INPP5K: variants seen among roughly 807,000 people sequenced by gnomAD.
INPP5K encodes inositol polyphosphate-5-phosphatase K.
Under a neutral mutation model 53.5 loss-of-function variants are expected in INPP5K, and 35 were observed. The observed-to-expected ratio is 0.65, with a 90% CI of 0.50 to 0.87. The LOEUF is 0.87. Among genes scored for constraint, INPP5K ranks in the 40% least tolerant of loss-of-function variants. INPP5K has a pLI of 0.00. For missense variants in INPP5K, 550 were observed against 586.2 expected, an observed-to-expected ratio of 0.94 and a Z score of 0.64; for synonymous variants, 253 against 232.8, an observed-to-expected ratio of 1.09 and a Z score of -0.79.
rs776504813 is a variant in INPP5K, at chr17:1,506,944, C to T, written c.776+36G>A. On this transcript the variant is annotated intron_variant, in intron 7 of 11. Transcript: ENST00000421807. ...TGCCAGCAGGGTCAGTGTAACCTGA[C>T]TTCCTAGACCTTCTGGCCCCCCACT... is the stretch of plus-strand genomic sequence containing the variant. 39 of 1,460,190 alleles carry T rather than the reference C, an allele frequency of 2.7e-5. No individual in the cohort carries two copies. In the South Asian group the frequency reaches 4.5e-4, roughly 17 times the overall value. The allele number at this position is 1,460,190 out of a possible 1,614,324, so 90.5% of individuals were successfully genotyped here. A position where few individuals can be genotyped will look rare whatever the true frequency, so the allele number is the denominator to read the frequency against.
intron 7 of INPP5K, among the ~76,000 whole-genome samples, chr17:1,500,820 G>A (rs575230011): frequency 6.6e-6 from 1 of 152,216 alleles, no homozygotes; most frequent in Non-Finnish European, 1.5e-5. Flanking sequence ...TGGCACACAG[G>A]TACTCAATAA....
At chr17:1,513,636 T>G (rs1315973630) in intron 2 of INPP5K, 75 bp from the exon 3 acceptor site, 1 of 1,303,684 alleles carries the variant, frequency 7.7e-7, no homozygotes, top group African/African-American at 1.5e-5. Context: ...TGATACCATC[T>G]TCACGGACTT....
At chr17:1,498,251 G>A (rs570291660) in intron 7 of INPP5K, 129 bp from the exon 8 acceptor site, 20 of 768,830 alleles carry the variant, frequency 2.6e-5, no homozygotes, top group East Asian at 1.0e-4. Flanking sequence ...ACAGACCCCC[G>A]GGGCCAGAGC....
At chr17:1,507,121 G>C (rs769355897) in intron 6 of INPP5K, 32 bp from the exon 7 acceptor site, 1 of 1,568,800 alleles carries the variant, frequency 6.4e-7, no homozygotes, top group African/African-American at 1.4e-5. Context: ...CCGTCTCCCA[G>C]TAGTCTCGAC....
chr17:1,498,029 C>G lies in INPP5K; in HGVS notation c.870G>C (p.Ala290=). 1 of 1,614,120 alleles carries G rather than the reference C, an allele frequency of 6.2e-7. No individual in the cohort carries two copies. Among genetic ancestry groups the G allele is most frequent in the Non-Finnish European group, 8.5e-7 (1 of 1,180,022 alleles). ...CCCTCAGAGACAAGGAGAAGTGTGA[C>G]GCCGGCGGTATGGGAGTGTCGGGGC... ...CAGPDTPIPP[A]SHFSLSLRGY... The change falls in exon 8 of 12, where the codon GCG becomes GCC. Residue 290 remains alanine (A), a synonymous_variant. Coordinates refer to ENST00000421807, the MANE Select transcript of INPP5K (RefSeq NM_016532.4).
rs751417164 is a variant in INPP5K at position 1,496,820 on chromosome 17, G to C, written c.964-17C>G. The C allele has an allele frequency of 6.2e-7, 1 of 1,612,580 alleles. No individual in the cohort carries two copies. Among genetic ancestry groups the C allele is most frequent in the Non-Finnish European group, 8.5e-7 (1 of 1,179,320 alleles). ...TGGCTTCAGCTAGACACGGGGGTGG[G>C]AAGGGGGCTGAATCTCGCAGCATCA... On this transcript the variant is annotated splice_polypyrimidine_tract_variant and intron_variant, in intron 8 of 11. Transcript: ENST00000421807.
At chr17:1,516,255 C>G in intron 1 of INPP5K, 2 of 852,866 alleles carry the variant, frequency 2.3e-6, no homozygotes, top group Non-Finnish European at 3.4e-6. Context: ...CCAGTGGGAA[C>G]GAGCTTGGCG....
chr17:1,503,863 C>G (rs918341319), intron 7 of INPP5K, among the ~76,000 whole-genome samples: 1 of 152,172 alleles, frequency 6.6e-6, no homozygotes, highest in African/African-American at 2.4e-5. Flanking sequence ...CTCATTACAT[C>G]TTGGCTCAGG....
At chr17:1,499,667 T>C (rs1303404938) in intron 7 of INPP5K, among the ~76,000 whole-genome samples, 1 of 152,204 alleles carries the variant, frequency 6.6e-6, no homozygotes, top group Non-Finnish European at 1.5e-5. Flanking sequence ...AAGCAACTAC[T>C]GTGGCAGTTT....
rs2074912966 is a variant in INPP5K, at chr17:1,498,178, A to G, written c.777-56T>C. On this transcript the variant is annotated intron_variant, in intron 7 of 11. Transcript: ENST00000421807. ...ATGGGGAAAGAAGAAAGGGTTGGCT[A>G]AGAGCAGAAATGAGCCCACATGAGC... 58 of 1,469,692 alleles carry G rather than the reference A, an allele frequency of 3.9e-5. 1 individual carries two copies. In the South Asian group the frequency reaches 6.6e-4, roughly 17 times the overall value. 91.0% of individuals were successfully genotyped at this position (1,469,692 alleles called of 1,614,324 possible). A position where few individuals can be genotyped will look rare whatever the true frequency, so the allele number is the denominator to read the frequency against.
chr17:1,516,040 C>T, intron 1 of INPP5K: 2 of 1,040,462 alleles, frequency 1.9e-6, no homozygotes, highest in African/African-American at 3.4e-5. Flanking sequence ...TAAGTCACTT[C>T]CCTAAAGGAT....
At chr17:1,497,688 C>T (rs1002152313) in intron 8 of INPP5K, 1 of 446,522 alleles carries the variant, frequency 2.2e-6, no homozygotes, top group African/African-American at 1.9e-5. Context: ...AACTCATTAG[C>T]CCCAAGGGAG....
intron 7 of INPP5K, among the ~76,000 whole-genome samples, chr17:1,501,679 C>T (rs915340399): frequency 2.0e-5 from 3 of 152,306 alleles, no homozygotes; most frequent in Admixed American, 6.5e-5. Flanking sequence ...ACAGACACTG[C>T]GTCCCTGAAT....
chr17:1,502,463 T>C (rs1370144259), intron 7 of INPP5K, among the ~76,000 whole-genome samples: 2 of 152,212 alleles, frequency 1.3e-5, no homozygotes, highest in East Asian at 3.9e-4. Flanking sequence ...TATGCTGTCA[T>C]GTAAGGGTCT....
chr17:1,507,331 A>G (rs1719163557), intron 6 of INPP5K: 1 of 527,926 alleles, frequency 1.9e-6, no homozygotes, highest in African/African-American at 1.9e-5. Context: ...CCCAGTCCTT[A>G]GACTGCAGGG....
chr17:1,516,342 C>T, intron 1 of INPP5K, 114 bp downstream of exon 1: 1 of 1,213,736 alleles, frequency 8.2e-7, no homozygotes, highest in South Asian at 1.3e-5. Context: ...GGCGAGAGCG[C>T]CTCTGAACCA....
At chr17:1,511,080 G>A (rs116875312) in intron 3 of INPP5K, among the ~76,000 whole-genome samples, 2 of 152,176 alleles carry the variant, frequency 1.3e-5, no homozygotes, top group Non-Finnish European at 2.9e-5. Context: ...ACTATATACT[G>A]CGTGCAGCTG....
At position 1,516,582 on chromosome 17, in the gene INPP5K, G is replaced by C; in HGVS notation, c.-83C>G. On this transcript the variant is annotated 5_prime_UTR_variant, in exon 1 of 12. Coordinates refer to ENST00000421807, the MANE Select transcript of INPP5K (RefSeq NM_016532.4). The stretch of plus-strand genomic sequence containing the variant: ...CCCGGCCAGAGCAGCCCTGCGGGCG[G>C]CCGGTCTCACGCGCCTAGCTGTCGC... 1 of 1,439,634 alleles carries C rather than the reference G, an allele frequency of 6.9e-7. No homozygotes were observed. Among genetic ancestry groups the C allele is most frequent in the South Asian group, 1.4e-5 (1 of 70,926 alleles). 89.2% of individuals were successfully genotyped at this position (1,439,634 alleles called of 1,614,324 possible).
At position 1,506,965 on chromosome 17, in the gene INPP5K, C is replaced by A; in HGVS notation, c.776+15G>T. ...CTGACTTCCTAGACCTTCTGGCCCC[C>A]CACTCCCTCCTCACCTGGTGTCATA... On this transcript the variant is annotated intron_variant, in intron 7 of 11. Coordinates refer to ENST00000421807, the MANE Select transcript of INPP5K (RefSeq NM_016532.4). 1 of 1,585,862 alleles carries A rather than the reference C, an allele frequency of 6.3e-7. No homozygotes were observed. The highest frequency in any genetic ancestry group is 8.7e-7 in the Non-Finnish European group (1 of 1,154,852).
Sources: gnomAD v4.1 joint callset for allele counts (sites outside exome capture counted in the v4.1 genomes callset) on GRCh38, gnomAD v4.1.1 for gene constraint, MANE v1.5 for transcripts, NCBI Gene and HGNC (gene_info 2026-07-23, HGNC 2026-07-21) for gene names.